MAN2B2: variants seen among roughly 807,000 people sequenced by gnomAD.
The protein encoded by MAN2B2 is epididymis-specific alpha-mannosidase.
Under a neutral mutation model 117.1 loss-of-function variants are expected in MAN2B2, and 106 were observed. The ratio of observed to expected loss-of-function variants is 0.90; its 90% CI spans 0.77 to 1.06. MAN2B2 has a LOEUF of 1.06. Among genes scored for constraint, MAN2B2 ranks in the 50% least tolerant of loss-of-function variants. The probability of loss-of-function intolerance (pLI) is 0.00; values close to 1 mark genes in which losing one functional copy is unlikely to be tolerated. For missense variants in MAN2B2, 1,326 were observed against 1,381.4 expected (o/e 0.96, Z 0.64); for synonymous variants, 544 against 595.1 (o/e 0.91, Z 1.25).
chr4:6,586,706 A>C (rs934798924), intron 3 of MAN2B2, among the ~76,000 whole-genome samples: 2 of 152,208 alleles, frequency 1.3e-5, no homozygotes, highest in South Asian at 4.1e-4. Context: ...GAAGAGGAGA[A>C]CATTCTGGAA....
intron 15 of MAN2B2, among the ~76,000 whole-genome samples, chr4:6,612,729 G>A (rs1711629302): frequency 6.6e-6 from 1 of 152,230 alleles, no homozygotes; most frequent in East Asian, 1.9e-4. Flanking sequence ...GGGAGATGAG[G>A]CCATGTCTGA....
At chr4:6,613,488 T>C (rs931632405) in intron 15 of MAN2B2, among the ~76,000 whole-genome samples, 11 of 151,660 alleles carry the variant, frequency 7.3e-5, no homozygotes, top group African/African-American at 1.5e-4. Flanking sequence ...GGTGGGAGGA[T>C]AGTTTGAGCT....
intron 3 of MAN2B2, among the ~76,000 whole-genome samples, chr4:6,579,041 A>ACTACCCT (rs1726193690): frequency 9.9e-6 from 1 of 101,416 alleles, no homozygotes; most frequent in Non-Finnish European, 1.9e-5. Context: ...CACTACCACC[A>ACTACCCT]TCACCACCAT....
At chr4:6,597,743 A>C (rs1201383093) in intron 8 of MAN2B2, among the ~76,000 whole-genome samples, 1 of 152,220 alleles carries the variant, frequency 6.6e-6, no homozygotes, top group Non-Finnish European at 1.5e-5. Flanking sequence ...TGCTTGGTGC[A>C]GTGGCTGCTG....
At chr4:6,598,762 A>G (rs1428891814) in intron 9 of MAN2B2, among the ~76,000 whole-genome samples, 1 of 152,218 alleles carries the variant, frequency 6.6e-6, no homozygotes, top group Non-Finnish European at 1.5e-5. Flanking sequence ...CAGAGCAGGG[A>G]TTGAACCTGA....
rs575769410 is a variant in MAN2B2 at position 6,598,263 on chromosome 4, C to T, written c.1314C>T (p.His438=). ...SPKVRDMYAT[H]LASGMLGMRK... ...AGGTGAGAGACATGTACGCAACGCACCTGGCCTCGGGGATGCTGGGCATGC... is the reference window on the plus strand; with the variant it reads ...AGGTGAGAGACATGTACGCAACGCATCTGGCCTCGGGGATGCTGGGCATGC... The change falls in exon 9 of 19, where the codon CAC becomes CAT. Residue 438 remains histidine, a synonymous_variant. Coordinates refer to ENST00000285599, the MANE Select transcript of MAN2B2 (RefSeq NM_015274.3). 1.2e-6 allele frequency: 2 copies of T among 1,613,746 alleles called. No individual in the cohort carries two copies. Among genetic ancestry groups the T allele is most frequent in the South Asian group, 1.1e-5 (1 of 91,088 alleles).
chr4:6,619,844 T>C (rs1712075017), intron 17 of MAN2B2, 83 bp from the exon 18 acceptor site: 2 of 1,249,320 alleles, frequency 1.6e-6, no homozygotes, highest in East Asian at 4.7e-5. Flanking sequence ...GTTCGTGGTG[T>C]GTCTGCCCTG....
At chr4:6,580,667 G>A (rs529702282) in intron 3 of MAN2B2, among the ~76,000 whole-genome samples, 6 of 152,224 alleles carry the variant, frequency 3.9e-5, no homozygotes, top group Admixed American at 2.6e-4. Context: ...CCACTTAACC[G>A]CTGAACCTCA....
rs1396595445 is a variant in MAN2B2 at position 6,586,943 on chromosome 4, G to T, written c.392-53G>T. 3.2e-6 allele frequency: 5 copies of T among 1,555,798 alleles called. No homozygotes were observed. In the Admixed American group the frequency reaches 5.2e-5, roughly 16 times the overall value. On this transcript the variant is annotated intron_variant, in intron 3 of 18. Coordinates refer to ENST00000285599, the MANE Select transcript of MAN2B2 (RefSeq NM_015274.3). Reference sequence around the variant, plus strand: ...GGTCCCCTGGGGTGAGGATGGGGCCGGGAGGCACAGGCCCGCCCTCCAGGC... The same window carrying T: ...GGTCCCCTGGGGTGAGGATGGGGCCTGGAGGCACAGGCCCGCCCTCCAGGC...
At chr4:6,615,520 G>A (rs1711820533) in intron 16 of MAN2B2, among the ~76,000 whole-genome samples, 1 of 152,098 alleles carries the variant, frequency 6.6e-6, no homozygotes, top group Non-Finnish European at 1.5e-5. Context: ...AAATGGGCCA[G>A]GCAAGGTGGC....
chr4:6,613,747 G>A (rs985968463), intron 15 of MAN2B2, among the ~76,000 whole-genome samples: 5 of 144,992 alleles, frequency 3.4e-5, no homozygotes, highest in African/African-American at 7.7e-5. Context: ...GGGAGGGGAC[G>A]GGAGGGAAAA....
chr4:6,621,744 G>A lies in MAN2B2; in HGVS notation c.*459G>A, dbSNP rs189898821. On this transcript the variant is annotated 3_prime_UTR_variant, in exon 19 of 19. Transcript: ENST00000285599. ...TCCCATGCTGGCAACAGCCCTGCAA[G>A]GGGCTTGGCTCTGCCACAGGGCAGG... The A allele has an allele frequency of 2.2e-4, 34 of 153,718 alleles. No individual in the cohort carries two copies. Among genetic ancestry groups the A allele is most frequent in the Admixed American group, 5.2e-4 (8 of 15,384 alleles). 9.5% of individuals were successfully genotyped at this position (153,718 alleles called of 1,614,324 possible).
intron 13 of MAN2B2, among the ~76,000 whole-genome samples, chr4:6,610,473 T>C (rs1163109286): frequency 6.6e-6 from 1 of 152,202 alleles, no homozygotes; most frequent in Admixed American, 6.5e-5. Context: ...GAGAATTCTT[T>C]TAAAGCCTGT....
chr4:6,612,132 G>A (rs559464191), intron 15 of MAN2B2, among the ~76,000 whole-genome samples: 5 of 152,322 alleles, frequency 3.3e-5, no homozygotes, highest in Admixed American at 3.3e-4. Flanking sequence ...TTTGGTTTTA[G>A]AGCCAGAACC....
chr4:6,576,177 C>A (rs756875097), intron 1 of MAN2B2, among the ~76,000 whole-genome samples: 1 of 152,178 alleles, frequency 6.6e-6, no homozygotes, highest in Non-Finnish European at 1.5e-5. Flanking sequence ...CCCCAGCAGG[C>A]CCCTTTGGGG....
Position 6,622,020 on chromosome 4 carries a change from C to G in MAN2B2, c.*735C>G, listed in dbSNP as rs960857541. 6.6e-6 allele frequency: 1 copy of G among 152,250 alleles called. No homozygotes were observed. The highest frequency in any genetic ancestry group is 6.5e-5 in the Admixed American group (1 of 15,284). 9.4% of individuals were successfully genotyped at this position (152,250 alleles called of 1,614,324 possible). A position where few individuals can be genotyped will look rare whatever the true frequency, so the allele number is the denominator to read the frequency against. On this transcript the variant is annotated 3_prime_UTR_variant, in exon 19 of 19. Coordinates refer to ENST00000285599, the MANE Select transcript of MAN2B2 (RefSeq NM_015274.3). ...CTCCCGCGTTCATAGCAGCATTACTCAAAAGTCAAACGGTAGCAACAACCC... is the reference window on the plus strand; with the variant it reads ...CTCCCGCGTTCATAGCAGCATTACTGAAAAGTCAAACGGTAGCAACAACCC...
Position 6,597,176 on chromosome 4 carries a change from G to C in MAN2B2, c.1121G>C (p.Arg374Pro). ...SRSSLKGLARRASALLYAGES... is the reference protein window; with the variant it reads ...SRSSLKGLARPASALLYAGES... ...AGCTCACTGAAGGGGCTGGCCCGGC[G>C]AGCCAGCGCCTTGTTGTATGCCGGG... The change falls in exon 8 of 19, where the codon CGA (arginine) becomes CCA (proline). Residue 374 changes from arginine (R) to proline (P), a missense_variant. Transcript: ENST00000285599. 5 of 1,612,866 alleles carry C rather than the reference G, an allele frequency of 3.1e-6. No homozygotes were observed. The highest frequency in any genetic ancestry group is 1.7e-5 in the Admixed American group (1 of 59,942).
Position 6,621,373 on chromosome 4 carries a change from G to A in MAN2B2, c.*88G>A, listed in dbSNP as rs1375659390. The A allele has an allele frequency of 2.8e-6, 3 of 1,073,960 alleles. No homozygotes were observed. Among genetic ancestry groups the A allele is most frequent in the Non-Finnish European group, 4.1e-6 (3 of 730,404 alleles). 66.5% of individuals were successfully genotyped at this position (1,073,960 alleles called of 1,614,324 possible). A position where few individuals can be genotyped will look rare whatever the true frequency, so the allele number is the denominator to read the frequency against. On this transcript the variant is annotated 3_prime_UTR_variant, in exon 19 of 19. Coordinates refer to ENST00000285599, the MANE Select transcript of MAN2B2 (RefSeq NM_015274.3). Reference sequence around the variant, plus strand: ...CAGGACAGGGAAAAGCAGTGCGGAGGGATGGGACTGGGGAGTCAGCTGCTC... The same window carrying A: ...CAGGACAGGGAAAAGCAGTGCGGAGAGATGGGACTGGGGAGTCAGCTGCTC...
At chr4:6,606,305 C>A (rs748573256) in intron 11 of MAN2B2, among the ~76,000 whole-genome samples, 6 of 152,236 alleles carry the variant, frequency 3.9e-5, no homozygotes. Flanking sequence ...GGTCTGTCCT[C>A]ATCTTTCCCC....
Sources: allele counts gnomAD v4.1 joint callset (sites outside exome capture counted in the v4.1 genomes callset), GRCh38; gene constraint gnomAD v4.1.1; transcripts MANE v1.5; gene names NCBI Gene and HGNC (gene_info 2026-07-23, HGNC 2026-07-21).